Variants in CRYBG3 observed in about 807,000 individuals in gnomAD.
The protein encoded by CRYBG3 is very large A-kinase anchor protein.
In CRYBG3, 127 loss-of-function variants were observed where a neutral mutation model predicts 244.2. That is an observed-to-expected ratio of 0.52 (90% CI 0.45 to 0.60). The LOEUF (loss-of-function observed/expected upper bound fraction) is 0.60, where lower values mean the gene tolerates loss of function less well. Among genes scored for constraint, CRYBG3 ranks in the 20% least tolerant of loss-of-function variants. The pLI, the probability that CRYBG3 is intolerant of heterozygous loss-of-function variation, is 0.00. For synonymous variants in CRYBG3, 1,132 were observed against 1,195.8 expected, an observed-to-expected ratio of 0.95 and a Z score of 1.10; for missense variants, 3,325 against 3,442.5, an observed-to-expected ratio of 0.97 and a Z score of 0.85.
intron 2 of CRYBG3, among the ~76,000 whole-genome samples, 197 bp from the exon 3 acceptor site, chr3:97,864,020 A>G (rs13068614): frequency 0.22 from 33,274 of 151,978 alleles, 4,156 homozygotes; most frequent in Middle Eastern, 0.3. Flanking sequence ...CCCTCATGAC[A>G]TTTACCGTAT....
intron 8 of CRYBG3, among the ~76,000 whole-genome samples, chr3:97,887,867 T>C (rs1337187412): frequency 6.6e-6 from 1 of 152,196 alleles, no homozygotes; most frequent in Admixed American, 6.5e-5. Flanking sequence ...AGATGGGTCT[T>C]TTGGGAATCC....
intron 12 of CRYBG3, 121 bp downstream of exon 12, chr3:97,896,206 C>CCTG: frequency 1.2e-6 from 1 of 866,390 alleles, no homozygotes; most frequent in Non-Finnish European, 1.7e-6. Context: ...GAGTATTAAC[C>CCTG]TCAACTGCTT....
In CRYBG3 at chr3:97,872,828, TA is replaced by T. The variant is rs1302829278; in HGVS notation, c.1638del (p.Ala547LeufsTer37). Reference sequence around the variant, plus strand: ...GGTGAATCCATAGCTTCAAGTCATGTAAAAGCTCCAGAAGATAAAATTGAGT... The same window carrying T: ...GGTGAATCCATAGCTTCAAGTCATGTAAAGCTCCAGAAGATAAAATTGAGT... Reference protein sequence around the residue: ...SAGESIASSHVKAPEDKIESL... With the variant: ...SAGESIASSHXKAPEDKIESL... On this transcript the variant is annotated frameshift_variant, in exon 4 of 22. Transcript: ENST00000389622. LOFTEE classifies it high-confidence loss of function. 3 of 1,535,996 alleles carry T rather than the reference TA, an allele frequency of 2.0e-6. No individual in the cohort carries two copies. Among genetic ancestry groups the T allele is most frequent in the Non-Finnish European group, 2.6e-6 (3 of 1,146,816 alleles).
At chr3:97,830,287 C>CT (rs938981974) in intron 1 of CRYBG3, among the ~76,000 whole-genome samples, 4 of 152,072 alleles carry the variant, frequency 2.6e-5, no homozygotes, top group African/African-American at 9.7e-5. Context: ...ACTTTCAGTG[C>CT]TTTTTTCTAC....
At chr3:97,849,167 C>T (rs1006149179) in intron 2 of CRYBG3, among the ~76,000 whole-genome samples, 8 of 152,104 alleles carry the variant, frequency 5.3e-5, no homozygotes, top group African/African-American at 1.7e-4. Flanking sequence ...TTAGAATTAA[C>T]TAAGATAACA....
At chr3:97,859,965 C>G (rs1339097469) in intron 2 of CRYBG3, among the ~76,000 whole-genome samples, 1 of 152,196 alleles carries the variant, frequency 6.6e-6, no homozygotes, top group Admixed American at 6.6e-5. Context: ...CATAGTCACT[C>G]CCTTTCCAAC....
Position 97,872,068 on chromosome 3 carries a change from A to G in CRYBG3, c.874A>G (p.Met292Val), listed in dbSNP as rs757814249. 3.3e-6 allele frequency: 5 copies of G among 1,535,718 alleles called. No individual in the cohort carries two copies. The highest frequency in any genetic ancestry group is 2.4e-5 in the East Asian group (1 of 40,930). Reference sequence around the variant, plus strand: ...GTTATCAGCTAGTACAGACTCATCTATGAAAGGAAATCTACTTGAAGGCCC... The same window carrying G: ...GTTATCAGCTAGTACAGACTCATCTGTGAAAGGAAATCTACTTGAAGGCCC... ...LLLSASTDSS[M>V]KGNLLEGPLE... Residue 292 changes from methionine to valine, a missense_variant, in exon 4 of 22, where the codon ATG (methionine) becomes GTG (valine). Around this residue, in one of 4 missense-constraint regions of CRYBG3, gnomAD observed 1,526 missense variants for 1,443.2 expected, o/e 1.06. Transcript: ENST00000389622.
intron 1 of CRYBG3, among the ~76,000 whole-genome samples, chr3:97,824,374 G>T (rs548900501): frequency 6.6e-6 from 1 of 152,278 alleles, no homozygotes; most frequent in East Asian, 1.9e-4. Context: ...CTGTAGTGAT[G>T]ATTTTAGATG....
At position 97,883,357 on chromosome 3, in the gene CRYBG3, C is replaced by G. The variant is rs575231381; in HGVS notation, c.7152+2138C>G. Reference sequence around the variant, plus strand: ...TCCTTGAAAAAATGACTAGTTAGTTCGTAACTGAACTCTTCTAAGATTTAT... The same window carrying G: ...TCCTTGAAAAAATGACTAGTTAGTTGGTAACTGAACTCTTCTAAGATTTAT... On this transcript the variant is annotated intron_variant, in intron 7 of 21. Coordinates refer to ENST00000389622, the MANE Select transcript of CRYBG3 (RefSeq NM_153605.4). 3.3e-5 allele frequency among the ~76,000 whole-genome samples: 5 copies of G among 152,230 alleles called. No homozygotes were observed. The East Asian group carries it at 5.8e-4, about 18-fold the overall frequency.
At chr3:97,881,493 A>T (rs772196420) in intron 7 of CRYBG3, among the ~76,000 whole-genome samples, 5 of 151,966 alleles carry the variant, frequency 3.3e-5, no homozygotes, top group Admixed American at 6.6e-5. Context: ...AGGTGGGCAG[A>T]TGACCTAAGA....
At chr3:97,855,075 A>G (rs1433040874) in intron 2 of CRYBG3, among the ~76,000 whole-genome samples, 1 of 152,154 alleles carries the variant, frequency 6.6e-6, no homozygotes. Flanking sequence ...ATTAAATTTT[A>G]TTAAACGTTT....
chr3:97,875,102 A>G lies in CRYBG3; in HGVS notation c.3908A>G (p.Asp1303Gly). 2 of 1,534,256 alleles carry G rather than the reference A, an allele frequency of 1.3e-6. No homozygotes were observed. Among genetic ancestry groups the G allele is most frequent in the Non-Finnish European group, 1.7e-6 (2 of 1,146,116 alleles). ...NSMNVSCLLEDKARELVNEII... is the reference protein window; with the variant it reads ...NSMNVSCLLEGKARELVNEII... ...ATGAATGTATCTTGTTTGTTAGAAGATAAAGCTAGGGAATTAGTCAATGAG... is the reference window on the plus strand; with the variant it reads ...ATGAATGTATCTTGTTTGTTAGAAGGTAAAGCTAGGGAATTAGTCAATGAG... The change falls in exon 4 of 22, where the codon GAT becomes GGT. Residue 1303 changes from aspartate to glycine, a missense_variant. Asp to Gly is a moderately conservative substitution (Grantham distance 94). This residue lies in a region of CRYBG3 where 635 missense variants were observed against 771.7 expected (regional missense o/e 0.82). Transcript: ENST00000389622.
intron 1 of CRYBG3, among the ~76,000 whole-genome samples, chr3:97,826,411 T>C (rs1341551260): frequency 1.3e-5 from 2 of 152,206 alleles, no homozygotes. Flanking sequence ...TTTTTAAGTT[T>C]TTTTACTCAT....
At position 97,877,965 on chromosome 3, in the gene CRYBG3, A is replaced by G. The variant is rs750556921; in HGVS notation, c.6771A>G (p.Gly2257=). The G allele has an allele frequency of 2.5e-6, 4 of 1,614,118 alleles. No individual in the cohort carries two copies. The highest frequency in any genetic ancestry group is 2.2e-5 in the East Asian group (1 of 44,890). The change falls in exon 4 of 22, where the codon GGA becomes GGG. Residue 2257 remains glycine, a synonymous_variant. Transcript: ENST00000389622. ...CAGAAAAAGGAGCCAGATTTGGTGG[A>G]ATTTTTCAGGAACCAGTGTCAAAAT... ...HSSEKGARFG[G]IFQEPVSKYF...
chr3:97,906,048 T>C (rs1167622376), intron 15 of CRYBG3, among the ~76,000 whole-genome samples: 1 of 144,400 alleles, frequency 6.9e-6, no homozygotes, highest in African/African-American at 2.5e-5. Flanking sequence ...AAAGATCAGA[T>C]AGTTGTAGAT....
In CRYBG3 at chr3:97,876,530, G is replaced by A; in HGVS notation, c.5336G>A (p.Gly1779Glu). The stretch of plus-strand genomic sequence containing the variant: ...AAAGGTTTTACCGGGAACACTGAAG[G>A]GTCTGTGTTGAAAATGGAAGCTACT... ...NAKGFTGNTE[G>E]SVLKMEATYR... The change falls in exon 4 of 22, where the codon GGG (glycine) becomes GAG (glutamate). Residue 1779 changes from glycine (G) to glutamate (E), a missense_variant. Transcript: ENST00000389622. 1 of 1,232,124 alleles carries A rather than the reference G, an allele frequency of 8.1e-7. No individual in the cohort carries two copies. The highest frequency in any genetic ancestry group is 1.0e-6 in the Non-Finnish European group (1 of 987,998). 76.3% of individuals were successfully genotyped at this position (1,232,124 alleles called of 1,614,324 possible).
intron 15 of CRYBG3, among the ~76,000 whole-genome samples, chr3:97,907,531 C>T (rs576299574): frequency 6.4e-4 from 95 of 149,050 alleles, no homozygotes; most frequent in Non-Finnish European, 6.2e-4. Context: ...AGTTTATTTG[C>T]GTAGAGGTGT....
chr3:97,837,346 C>A (rs2038748849), intron 1 of CRYBG3, among the ~76,000 whole-genome samples: 1 of 151,950 alleles, frequency 6.6e-6, no homozygotes, highest in Non-Finnish European at 1.5e-5. Context: ...GAAGGAAAGG[C>A]CTAATGAAGC....
chr3:97,870,099 C>T (rs1401700104), intron 3 of CRYBG3, among the ~76,000 whole-genome samples: 1 of 152,050 alleles, frequency 6.6e-6, no homozygotes, highest in Non-Finnish European at 1.5e-5. Flanking sequence ...TCAAGTAGAA[C>T]ACACATCAGA....
Sources: allele counts gnomAD v4.1 joint callset (sites outside exome capture counted in the v4.1 genomes callset), GRCh38; gene constraint gnomAD v4.1.1; regional missense constraint gnomAD v4.1.1; transcripts MANE v1.5; gene names NCBI Gene and HGNC (gene_info 2026-07-23, HGNC 2026-07-21).